Variants in QKI observed in about 807,000 individuals in gnomAD.
QKI encodes the protein KH domain-containing RNA-binding protein QKI.
Under a neutral mutation model 39.0 loss-of-function variants are expected in QKI, and 10 were observed. The observed-to-expected ratio is 0.26, with a 90% CI of 0.16 to 0.43. The LOEUF (loss-of-function observed/expected upper bound fraction) is 0.43. Ranked by LOEUF, QKI falls within the 20% of genes least tolerant of loss-of-function variation. The pLI is 1.00. For missense variants in QKI, 218 were observed against 428.0 expected (o/e 0.51, Z 4.33); for synonymous variants, 204 against 155.4 (o/e 1.31, Z -2.33).
chr6:163,535,265 G>T, intron 4 of QKI, 140 bp downstream of exon 4: 1 of 832,226 alleles, frequency 1.2e-6, no homozygotes, highest in Non-Finnish European at 1.7e-6. Flanking sequence ...ACACCTGACT[G>T]ATACTTCTAA....
At chr6:163,566,209 T>C in intron 6 of QKI, 1 of 1,308,370 alleles carries the variant, frequency 7.6e-7, no homozygotes, top group Non-Finnish European at 9.7e-7. Context: ...TGTACTATAC[T>C]GTTTGCTTTA....
chr6:163,558,404 C>CTTTTTTT (rs964172716), intron 4 of QKI, among the ~76,000 whole-genome samples: 1 of 135,612 alleles, frequency 7.4e-6, no homozygotes, highest in African/African-American at 2.7e-5. Flanking sequence ...TTTTCTTTTT[C>CTTTTTTT]TTTTTTTTTT....
At chr6:163,472,715 T>A (rs908911341) in intron 2 of QKI, among the ~76,000 whole-genome samples, 9 of 152,138 alleles carry the variant, frequency 5.9e-5, no homozygotes, top group Non-Finnish European at 1.2e-4. Context: ...AAGCTAAAAA[T>A]CAAAACTACA....
intron 4 of QKI, among the ~76,000 whole-genome samples, chr6:163,535,581 A>G (rs957603846): frequency 2.0e-5 from 3 of 150,590 alleles, no homozygotes; most frequent in East Asian, 3.9e-4. Flanking sequence ...TGGGCCATTA[A>G]TTTTTTTTTC....
At chr6:163,525,267 CTTT>C (rs59849901) in intron 3 of QKI, among the ~76,000 whole-genome samples, 8 of 139,206 alleles carry the variant, frequency 5.7e-5, no homozygotes, top group African/African-American at 1.6e-4. Context: ...ATCTTGTTTC[CTTT>C]TTTTTTTTTT....
chr6:163,427,243 CTTTTTT>C (rs11375326), intron 1 of QKI, among the ~76,000 whole-genome samples: 26 of 85,790 alleles, frequency 3.0e-4, no homozygotes, highest in South Asian at 1.4e-3. Flanking sequence ...ATACTCGTAC[CTTTTTT>C]TTTTTTTTTT....
chr6:163,478,924 T>A, intron 3 of QKI, 28 bp downstream of exon 3: 1 of 1,473,246 alleles, frequency 6.8e-7, no homozygotes, highest in Non-Finnish European at 9.4e-7. Flanking sequence ...GACTAAGTCT[T>A]TATGTGAGTA....
chr6:163,486,184 A>C (rs928940595), intron 3 of QKI, among the ~76,000 whole-genome samples: 1 of 152,222 alleles, frequency 6.6e-6, no homozygotes, highest in Admixed American at 6.5e-5. Context: ...CCAGTTGCTC[A>C]TTTCTACCTG....
intron 1 of QKI, 32 bp from the exon 2 acceptor site, chr6:163,455,247 T>C (rs1158843821): frequency 3.2e-6 from 5 of 1,578,970 alleles, no homozygotes; most frequent in East Asian, 2.3e-5. Flanking sequence ...ATTTTTTTTG[T>C]CTAACACATT....
chr6:163,421,750 C>CTTT (rs766565039), intron 1 of QKI, among the ~76,000 whole-genome samples: 1 of 143,878 alleles, frequency 7.0e-6, no homozygotes, highest in East Asian at 2.0e-4. Flanking sequence ...TTTCTTTTTT[C>CTTT]TTTTTTTTTT....
At chr6:163,566,413 A>G (rs1657621329) in intron 6 of QKI, 2 of 1,240,640 alleles carry the variant, frequency 1.6e-6, no homozygotes, top group East Asian at 4.6e-5. Flanking sequence ...ACTTCAGTGA[A>G]TATGTGACTA....
chr6:163,540,018 T>C (rs989080696), intron 4 of QKI, among the ~76,000 whole-genome samples: 2 of 152,090 alleles, frequency 1.3e-5, no homozygotes, highest in Non-Finnish European at 2.9e-5. Context: ...ACTTTTGTAA[T>C]GTAAGAACTT....
chr6:163,537,407 T>A (rs906485230), intron 4 of QKI, among the ~76,000 whole-genome samples: 1 of 152,248 alleles, frequency 6.6e-6, no homozygotes, highest in Non-Finnish European at 1.5e-5. Context: ...GCCAACTCAC[T>A]GTTACTGTTT....
At position 163,572,784 on chromosome 6, in the gene QKI, T is replaced by C. The variant is rs1783779945; in HGVS notation, c.*2074T>C. 6.7e-6 allele frequency: 1 copy of C among 150,198 alleles called. No homozygotes were observed. Among genetic ancestry groups the C allele is most frequent in the Non-Finnish European group, 1.5e-5 (1 of 67,760 alleles). 9.3% of individuals were successfully genotyped at this position (150,198 alleles called of 1,614,324 possible). A position where few individuals can be genotyped will look rare whatever the true frequency, so the allele number is the denominator to read the frequency against. On this transcript the variant is annotated 3_prime_UTR_variant, in exon 8 of 8. Coordinates refer to ENST00000361752, the MANE Select transcript of QKI (RefSeq NM_006775.3). Reference sequence around the variant, plus strand: ...ACCTTCTTGGTGACCTCCCCCACCATCTTGTCTCACTTGGAAACCGTTGTC... The same window carrying C: ...ACCTTCTTGGTGACCTCCCCCACCACCTTGTCTCACTTGGAAACCGTTGTC...
Position 163,563,577 on chromosome 6 carries a change from A to T in QKI, c.792A>T (p.Pro264=). ...LIRQIQTAVM[P]NGTPHPTAAI... ...GACAAATACAGACCGCTGTCATGCCAAACGGAACTCCTCACCCAACTGCTG... is the reference window on the plus strand; with the variant it reads ...GACAAATACAGACCGCTGTCATGCCTAACGGAACTCCTCACCCAACTGCTG... Residue 264 remains proline (P), a synonymous_variant, in exon 6 of 8, where the codon CCA becomes CCT. Transcript: ENST00000361752. The T allele has an allele frequency of 6.2e-7, 1 of 1,614,188 alleles. No individual in the cohort carries two copies.
chr6:163,514,751 A>T (rs1779686207), intron 3 of QKI, among the ~76,000 whole-genome samples: 1 of 152,206 alleles, frequency 6.6e-6, no homozygotes, highest in South Asian at 2.1e-4. Flanking sequence ...TGCAAAAATA[A>T]ATCTTTTGAT....
At chr6:163,549,547 C>T (rs886814722) in intron 4 of QKI, among the ~76,000 whole-genome samples, 2 of 151,898 alleles carry the variant, frequency 1.3e-5, no homozygotes, top group Non-Finnish European at 2.9e-5. Context: ...CCCATCTTTA[C>T]GAAAAATACA....
intron 2 of QKI, among the ~76,000 whole-genome samples, chr6:163,475,683 A>G (rs1252243045): frequency 6.6e-6 from 1 of 152,228 alleles, no homozygotes; most frequent in Non-Finnish European, 1.5e-5. Flanking sequence ...ACATTTGGAT[A>G]TTCATGTGAG....
intron 3 of QKI, among the ~76,000 whole-genome samples, chr6:163,524,372 C>T (rs1029028993): frequency 1.5e-4 from 23 of 152,090 alleles, no homozygotes; most frequent in African/African-American, 5.6e-4. Context: ...TCTGAAAATA[C>T]ATTTCCAATT....
Sources: gnomAD v4.1 joint callset for allele counts (sites outside exome capture counted in the v4.1 genomes callset) on GRCh38, gnomAD v4.1.1 for gene constraint, MANE v1.5 for transcripts, NCBI Gene and HGNC (gene_info 2026-07-23, HGNC 2026-07-21) for gene names.